Variants in PUS3 observed in about 807,000 individuals in gnomAD.
PUS3 encodes the protein pseudouridine synthase 3.
A neutral mutation model predicts 43.3 loss-of-function variants in PUS3; 36 were observed. The observed-to-expected ratio is 0.83, with a 90% CI of 0.64 to 1.10. The LOEUF is 1.10. Among genes scored for constraint, PUS3 ranks in the 50% least tolerant of loss-of-function variants. The probability of loss-of-function intolerance (pLI) is 0.00; values close to 1 mark genes in which losing one functional copy is unlikely to be tolerated. For missense variants in PUS3, 544 were observed against 589.9 expected, an observed-to-expected ratio of 0.92 and a Z score of 0.81; for synonymous variants, 183 against 199.2, an observed-to-expected ratio of 0.92 and a Z score of 0.69.
chr11:125,895,428 T>C lies in PUS3; in HGVS notation c.740A>G (p.Gln247Arg). Residue 247 changes from glutamine to arginine, a missense_variant, in exon 3 of 4, where the codon CAG becomes CGG. Physicochemically the swap from Gln to Arg is conservative, Grantham distance 43. Transcript: ENST00000227474. ...FQRTILSAQV[Q>R]LVGQSPGEGR... The stretch of plus-strand genomic sequence containing the variant: ...CTCACCTGGGCTCTGGCCCACTAGC[T>C]GTACTTGAGCAGATAGAATAGTCCT... The C allele has an allele frequency of 1.2e-6, 2 of 1,614,074 alleles. No homozygotes were observed. Among genetic ancestry groups the C allele is most frequent in the East Asian group, 2.2e-5 (1 of 44,894 alleles).
chr11:125,900,456 A>G (rs1383878548), intron 1 of PUS3: 2 of 600,772 alleles, frequency 3.3e-6, no homozygotes, highest in East Asian at 6.0e-5. Flanking sequence ...TGCCACTCAA[A>G]TCCAGCAATT....
At position 125,895,516 on chromosome 11, in the gene PUS3, C is replaced by T; in HGVS notation, c.652G>A (p.Gly218Ser). The T allele has an allele frequency of 1.2e-6, 2 of 1,614,098 alleles. No homozygotes were observed. The highest frequency in any genetic ancestry group is 1.7e-6 in the Non-Finnish European group (2 of 1,180,042). Residue 218 changes from glycine (G) to serine (S), a missense_variant, in exon 3 of 4, where the codon GGC becomes AGC. Coordinates refer to ENST00000227474, the MANE Select transcript of PUS3 (RefSeq NM_031307.4). ...TMDYAAQKYV[G>S]THDFRNLCKM... is the part of the protein sequence containing the mutation. ...CACAAGTTCCTGAAATCATGGGTGCCAACATACTTCTGAGCTGCATAATCC... is the reference window on the plus strand; with the variant it reads ...CACAAGTTCCTGAAATCATGGGTGCTAACATACTTCTGAGCTGCATAATCC...
chr11:125,894,416 C>T, intron 3 of PUS3, 130 bp from the exon 4 acceptor site: 1 of 674,876 alleles, frequency 1.5e-6, no homozygotes, highest in South Asian at 1.9e-5. Context: ...TGCCTAATAG[C>T]TGAGAAAATA....
chr11:125,896,143 C>A lies in PUS3; in HGVS notation c.142G>T (p.Ala48Ser). Residue 48 changes from alanine (A) to serine (S), a missense_variant, in exon 2 of 4, where the codon GCT becomes TCT. Coordinates refer to ENST00000227474, the MANE Select transcript of PUS3 (RefSeq NM_031307.4). Reference sequence around the variant, plus strand: ...TCAAATGCACGCTTAGTTTTTCCAGCTCCTGCTGAATTTTCTCTAATGTTT... The same window carrying A: ...TCAAATGCACGCTTAGTTTTTCCAGATCCTGCTGAATTTTCTCTAATGTTT... ...DSNIRENSAG[A>S]GKTKRAFDFS... is the part of the protein sequence containing the mutation. 1 of 1,614,214 alleles carries A rather than the reference C, an allele frequency of 6.2e-7. No homozygotes were observed. Among genetic ancestry groups the A allele is most frequent in the South Asian group, 1.1e-5 (1 of 91,088 alleles).
Position 125,896,082 on chromosome 11 carries a change from C to T in PUS3, c.203G>A (p.Arg68Lys). ...GTATCCCCAGCCCATATAGGCTATT[C>T]TTAGGGCTACGTGTCTTCGGCCATG... ...SAHGRRHVAL[R>K]IAYMGWGYQG... Residue 68 changes from arginine (R) to lysine (K), a missense_variant, in exon 2 of 4, where the codon AGA becomes AAA. Coordinates refer to ENST00000227474, the MANE Select transcript of PUS3 (RefSeq NM_031307.4). 1 of 1,614,210 alleles carries T rather than the reference C, an allele frequency of 6.2e-7. No individual in the cohort carries two copies. The highest frequency in any genetic ancestry group is 2.2e-5 in the East Asian group (1 of 44,884).
chr11:125,901,395 G>A (rs902234137), intron 1 of PUS3, among the ~76,000 whole-genome samples: 1 of 152,164 alleles, frequency 6.6e-6, no homozygotes, highest in Non-Finnish European at 1.5e-5. Context: ...CTGTTTGGGT[G>A]CAGATCAAAA....
intron 1 of PUS3, among the ~76,000 whole-genome samples, chr11:125,901,713 C>A (rs191840759): frequency 6.6e-6 from 1 of 152,304 alleles, no homozygotes; most frequent in Non-Finnish European, 1.5e-5. Context: ...AGGATATACT[C>A]ACCGCAAAAA....
At chr11:125,897,505 C>A (rs1291615797) in intron 1 of PUS3, among the ~76,000 whole-genome samples, 2 of 112,518 alleles carry the variant, frequency 1.8e-5, no homozygotes, top group Non-Finnish European at 1.8e-5. Flanking sequence ...ATATATACAT[C>A]AGTTTTAATG....
chr11:125,894,801 C>G (rs1322752341), intron 3 of PUS3, among the ~76,000 whole-genome samples: 2 of 152,148 alleles, frequency 1.3e-5, no homozygotes, highest in African/African-American at 4.8e-5. Flanking sequence ...TTACCACATC[C>G]TAACAGTAAT....
Position 125,895,405 on chromosome 11 carries a change from C to T in PUS3, c.763G>A (p.Glu255Lys). The T allele has an allele frequency of 6.2e-7, 1 of 1,614,138 alleles. No individual in the cohort carries two copies. Among genetic ancestry groups the T allele is most frequent in the Non-Finnish European group, 8.5e-7 (1 of 1,179,992 alleles). ...QVQLVGQSPG[E>K]GRWQEPFQLC... Reference sequence around the variant, plus strand: ...TGGAAAGGTTCTTGCCATCTCCCCTCACCTGGGCTCTGGCCCACTAGCTGT... The same window carrying T: ...TGGAAAGGTTCTTGCCATCTCCCCTTACCTGGGCTCTGGCCCACTAGCTGT... The change falls in exon 3 of 4, where the codon GAG becomes AAG. Residue 255 changes from glutamate (E) to lysine (K), a missense_variant. Glu to Lys is a moderately conservative substitution (Grantham distance 56). Coordinates refer to ENST00000227474, the MANE Select transcript of PUS3 (RefSeq NM_031307.4).
intron 1 of PUS3, among the ~76,000 whole-genome samples, chr11:125,902,366 G>C (rs1470920334): frequency 2.0e-5 from 3 of 151,806 alleles, no homozygotes; most frequent in Non-Finnish European, 2.9e-5. Flanking sequence ...AGGCCAAGAC[G>C]GGGTGGTGGC....
chr11:125,894,035 G>T lies in PUS3; in HGVS notation c.1196C>A (p.Thr399Asn), dbSNP rs1464716118. Residue 399 changes from threonine (T) to asparagine (N), a missense_variant, in exon 4 of 4, where the codon ACC (threonine) becomes AAC (asparagine). Coordinates refer to ENST00000227474, the MANE Select transcript of PUS3 (RefSeq NM_031307.4). ...GNVKPSVIKQ[T>N]SAFVEGVKMR... ...CTTCACTCCTTCTACAAAGGCACTG[G>T]TCTGCTTTATGACAGAGGGCTTAAC... 8 of 1,614,072 alleles carry T rather than the reference G, an allele frequency of 5.0e-6. No individual in the cohort carries two copies. Among genetic ancestry groups the T allele is most frequent in the Non-Finnish European group, 6.8e-6 (8 of 1,180,040 alleles).
intron 1 of PUS3, among the ~76,000 whole-genome samples, chr11:125,902,321 G>A (rs1048764488): frequency 6.1e-5 from 9 of 147,040 alleles, no homozygotes; most frequent in African/African-American, 2.3e-4. Flanking sequence ...TGGGCCAGGC[G>A]CCGTGGCTCA....
chr11:125,898,901 G>A lies in PUS3; in HGVS notation c.-46-2571C>T, dbSNP rs561672529. Among the ~76,000 whole-genome samples the A allele has an allele frequency of 2.1e-4, 32 of 152,056 alleles. 3 individuals are homozygous for A. Among genetic ancestry groups the A allele is most frequent in the Admixed American group, 6.6e-5 (1 of 15,266 alleles). ...CTTGGGCAAGTTATTTAACTTCCCTGTGCCTCATGTTATTCATCTGTGAAA... is the reference window on the plus strand; with the variant it reads ...CTTGGGCAAGTTATTTAACTTCCCTATGCCTCATGTTATTCATCTGTGAAA... On this transcript the variant is annotated intron_variant, in intron 1 of 3. Coordinates refer to ENST00000227474, the MANE Select transcript of PUS3 (RefSeq NM_031307.4).
In PUS3 at chr11:125,896,281, C is replaced by T. The variant is rs768861384; in HGVS notation, c.4G>A (p.Ala2Thr). 6.2e-7 allele frequency: 1 copy of T among 1,603,704 alleles called. No homozygotes were observed. The highest frequency in any genetic ancestry group is 1.1e-5 in the South Asian group (1 of 90,686). M[A>T]YNDTDRNQTE... ...TGGTTTCTGTCTGTGTCATTATAAGCCATGATATGACAACCCCAGGAATAA... is the reference window on the plus strand; with the variant it reads ...TGGTTTCTGTCTGTGTCATTATAAGTCATGATATGACAACCCCAGGAATAA... The change falls in exon 2 of 4, where the codon GCT becomes ACT. Residue 2 changes from alanine to threonine, a missense_variant. Ala to Thr is a moderately conservative substitution (Grantham distance 58). Transcript: ENST00000227474.
chr11:125,900,193 C>G, intron 1 of PUS3: 1 of 1,614,168 alleles, frequency 6.2e-7, no homozygotes, highest in Non-Finnish European at 8.5e-7. Flanking sequence ...GGTCTGCACT[C>G]CGTTGGGGTG....
chr11:125,895,893 G>A lies in PUS3; in HGVS notation c.378+14C>T, dbSNP rs1944569301. 2 of 1,608,846 alleles carry A rather than the reference G, an allele frequency of 1.2e-6. No individual in the cohort carries two copies. Among genetic ancestry groups the A allele is most frequent in the East Asian group, 4.5e-5 (2 of 44,878 alleles). ...AGTATTGCTTGCTTTGAGAAACAGT[G>A]TATTGGCCCTTACCTGTCCAAAGGC... is the stretch of plus-strand genomic sequence containing the variant. On this transcript the variant is annotated intron_variant, in intron 2 of 3. Coordinates refer to ENST00000227474, the MANE Select transcript of PUS3 (RefSeq NM_031307.4).
Position 125,894,106 on chromosome 11 carries a change from G to C in PUS3, c.1125C>G (p.Pro375=). The C allele has an allele frequency of 6.2e-7, 1 of 1,614,036 alleles. No homozygotes were observed. The highest frequency in any genetic ancestry group is 8.5e-7 in the Non-Finnish European group (1 of 1,179,962). ...MLQGLDTVPV[P]CGIGPKMDGM... ...CATCCATCTTTGGTCCTATTCCACA[G>C]GGTACTGGAACAGTGTCCAGTCCTT... is the stretch of plus-strand genomic sequence containing the variant. The change falls in exon 4 of 4, where the codon CCC becomes CCG. Residue 375 remains proline, a synonymous_variant. Coordinates refer to ENST00000227474, the MANE Select transcript of PUS3 (RefSeq NM_031307.4).
At chr11:125,900,952 A>C (rs1944754305) in intron 1 of PUS3, 1 of 149,502 alleles carries the variant, frequency 6.7e-6, no homozygotes, top group African/African-American at 2.5e-5. Context: ...CGGGGCCTGC[A>C]GTGAGCCGAG....
Sources: gnomAD v4.1 joint callset for allele counts (sites outside exome capture counted in the v4.1 genomes callset) on GRCh38, gnomAD v4.1.1 for gene constraint, MANE v1.5 for transcripts, NCBI Gene and HGNC (gene_info 2026-07-23, HGNC 2026-07-21) for gene names.